Variants in RANBP2 observed in about 807,000 individuals in gnomAD.
RANBP2 encodes the protein E3 SUMO-protein ligase RanBP2.
A neutral mutation model predicts 303.6 loss-of-function variants in RANBP2; 57 were observed. That is an observed-to-expected ratio of 0.19 (90% confidence interval 0.15 to 0.23). The LOEUF is 0.23. Among genes scored for constraint, RANBP2 ranks in the 10% least tolerant of loss-of-function variants. The probability of loss-of-function intolerance (pLI) is 1.00; values close to 1 mark genes in which losing one functional copy is unlikely to be tolerated. For synonymous variants in RANBP2, 1,167 were observed against 1,301.5 expected, an observed-to-expected ratio of 0.90 and a Z score of 2.23; for missense variants, 3,138 against 3,780.8, an observed-to-expected ratio of 0.83 and a Z score of 4.46.
At chr2:108,827,068 A>G in the RANBP2 span, among the ~76,000 whole-genome samples, 1 of 152,040 alleles carries the variant, frequency 6.6e-6, no homozygotes, top group Admixed American at 6.6e-5. Flanking sequence ...TGGTTACACA[A>G]TTAAAGGCAA....
chr2:109,111,878 C>T, the RANBP2 span, among the ~76,000 whole-genome samples: 23 of 149,556 alleles, frequency 1.5e-4, no homozygotes, highest in East Asian at 2.0e-3. Flanking sequence ...TGAGAATATG[C>T]GGTGTTTGTT....
At chr2:109,216,596 G>A in the RANBP2 span, among the ~76,000 whole-genome samples, 1 of 152,216 alleles carries the variant, frequency 6.6e-6, no homozygotes. Context: ...AGCGTTTCCT[G>A]AAGGTGAGAT....
chr2:108,799,213 T>G, the RANBP2 span, among the ~76,000 whole-genome samples: 1 of 152,210 alleles, frequency 6.6e-6, no homozygotes, highest in Non-Finnish European at 1.5e-5. Context: ...TTTGCCTGAT[T>G]GCTTCGTAAC....
At chr2:109,743,631 C>A in the RANBP2 span, among the ~76,000 whole-genome samples, 12 of 125,550 alleles carry the variant, frequency 9.6e-5, 1 homozygote, top group African/African-American at 3.3e-4. Context: ...TTTCTTTTTG[C>A]AACTTTTAGT....
At chr2:108,923,126 C>T in the RANBP2 span, among the ~76,000 whole-genome samples, 4 of 152,188 alleles carry the variant, frequency 2.6e-5, no homozygotes, top group South Asian at 2.1e-4. Flanking sequence ...GGTTAAGTGA[C>T]TTGTCAGGTA....
chr2:109,630,759 G>A, the RANBP2 span, among the ~76,000 whole-genome samples: 67 of 152,296 alleles, frequency 4.4e-4, no homozygotes, highest in African/African-American at 1.6e-3. Flanking sequence ...TGGATAGTAT[G>A]AGTATAGAAA....
At chr2:109,712,461 T>C in the RANBP2 span, among the ~76,000 whole-genome samples, 16 of 152,220 alleles carry the variant, frequency 1.1e-4, no homozygotes, top group African/African-American at 3.6e-4. Flanking sequence ...AGATTGAGTC[T>C]TGCTCTGTCA....
the RANBP2 span, among the ~76,000 whole-genome samples, chr2:109,436,435 C>T: frequency 6.6e-6 from 1 of 152,198 alleles, no homozygotes; most frequent in Non-Finnish European, 1.5e-5. Flanking sequence ...CTGTGTGTGC[C>T]CTTTCCCAGC....
chr2:109,172,782 G>A, the RANBP2 span, among the ~76,000 whole-genome samples: 1 of 152,214 alleles, frequency 6.6e-6, no homozygotes, highest in Non-Finnish European at 1.5e-5. Context: ...ACTGCATGTG[G>A]GTTACGGAAG....
chr2:109,679,535 C>T, the RANBP2 span, among the ~76,000 whole-genome samples: 1 of 152,188 alleles, frequency 6.6e-6, no homozygotes, highest in Non-Finnish European at 1.5e-5. Context: ...TGCATTTACA[C>T]CCACCGGCTC....
At chr2:108,818,620 G>A in the RANBP2 span, among the ~76,000 whole-genome samples, 6 of 152,186 alleles carry the variant, frequency 3.9e-5, no homozygotes, top group South Asian at 2.1e-4. Flanking sequence ...TGTGGCCATC[G>A]CAAGCAGGTA....
chr2:109,585,001 A>G, the RANBP2 span: 1 of 450,558 alleles, frequency 2.2e-6, no homozygotes, highest in Non-Finnish European at 3.8e-6. Flanking sequence ...TTTATTTTTA[A>G]AACAATGTGT....
chr2:109,070,609 C>A, the RANBP2 span, among the ~76,000 whole-genome samples: 2 of 152,074 alleles, frequency 1.3e-5, no homozygotes, highest in African/African-American at 4.8e-5. Context: ...CCTGTGATCC[C>A]AGCACTTTGG....
At chr2:109,227,527 C>T in the RANBP2 span, among the ~76,000 whole-genome samples, 10 of 152,184 alleles carry the variant, frequency 6.6e-5, no homozygotes, top group South Asian at 2.1e-4. Context: ...TGTGGGCTCC[C>T]GGGTCTGCCT....
chr2:109,555,328 C>A, the RANBP2 span, among the ~76,000 whole-genome samples: 1 of 152,188 alleles, frequency 6.6e-6, no homozygotes, highest in African/African-American at 2.4e-5. Flanking sequence ...CCAACCTGTT[C>A]ATTGTTCCCA....
At chr2:109,042,980 G>C in the RANBP2 span, among the ~76,000 whole-genome samples, 2 of 152,210 alleles carry the variant, frequency 1.3e-5, no homozygotes, top group Non-Finnish European at 2.9e-5. Context: ...AGTAATAACT[G>C]TCCCGAATTC....
At chr2:108,886,368 T>C in the RANBP2 span, among the ~76,000 whole-genome samples, 1 of 152,222 alleles carries the variant, frequency 6.6e-6, no homozygotes, top group Admixed American at 6.5e-5. Flanking sequence ...ATCTGTTGGT[T>C]ACCTGTATGT....
At chr2:109,548,525 G>A in the RANBP2 span, among the ~76,000 whole-genome samples, 1 of 152,116 alleles carries the variant, frequency 6.6e-6, no homozygotes, top group Non-Finnish European at 1.5e-5. Flanking sequence ...TAGAAAGGGG[G>A]AGACGTTTGG....
chr2:109,616,514 G>A, the RANBP2 span: 1 of 167,262 alleles, frequency 6.0e-6, no homozygotes, highest in East Asian at 1.9e-4. Flanking sequence ...ATTTCTAAGT[G>A]TGAAAACGAC....
Sources: allele counts gnomAD v4.1 joint callset (sites outside exome capture counted in the v4.1 genomes callset), GRCh38; gene constraint gnomAD v4.1.1; transcripts MANE v1.5; gene names NCBI Gene and HGNC (gene_info 2026-07-23, HGNC 2026-07-21).